Variants in ATRNL1 observed in about 807,000 individuals in gnomAD.
ATRNL1 encodes the protein attractin-like protein 1.
ATRNL1 carries 95 observed loss-of-function variants against 182.7 expected under a neutral mutation model. The observed-to-expected ratio is 0.52, with a 90% CI of 0.44 to 0.62. The LOEUF is 0.62. Among genes scored for constraint, ATRNL1 ranks in the 20% least tolerant of loss-of-function variants. ATRNL1 has a pLI of 0.00. For synonymous variants in ATRNL1, 576 were observed against 568.3 expected (o/e 1.01, Z -0.19); for missense variants, 1,471 against 1,679.5 (o/e 0.88, Z 2.17).
chr10:115,317,732 T>G (rs1854373901), intron 18 of ATRNL1, among the ~76,000 whole-genome samples: 2 of 152,190 alleles, frequency 1.3e-5, no homozygotes, highest in Non-Finnish European at 2.9e-5. Context: ...TGGTGATTTT[T>G]GCAAATTGAT....
At chr10:115,426,531 A>G (rs999895715) in intron 21 of ATRNL1, among the ~76,000 whole-genome samples, 10 of 152,292 alleles carry the variant, frequency 6.6e-5, no homozygotes, top group Non-Finnish European at 1.2e-4. Context: ...TGTTGTGAAC[A>G]TAGAACAAAG....
intron 26 of ATRNL1, among the ~76,000 whole-genome samples, chr10:115,621,270 TATATATAG>T (rs1359605540): frequency 9.0e-5 from 5 of 55,512 alleles, no homozygotes; most frequent in African/African-American, 3.2e-4. Context: ...TATATATATA[TATATATAG>T]AGAGAGAGAG....
At chr10:115,650,042 T>G (rs931041259) in intron 26 of ATRNL1, among the ~76,000 whole-genome samples, 2 of 152,162 alleles carry the variant, frequency 1.3e-5, no homozygotes, top group Non-Finnish European at 2.9e-5. Context: ...TTTTCTCATT[T>G]CTGTGCTTAT....
At chr10:115,667,184 A>G (rs1861047527) in intron 26 of ATRNL1, among the ~76,000 whole-genome samples, 1 of 152,054 alleles carries the variant, frequency 6.6e-6, no homozygotes, top group South Asian at 2.1e-4. Context: ...GTCTTCCAGT[A>G]GGTTTGGTAT....
chr10:115,137,385 A>G (rs1554876959), intron 5 of ATRNL1, among the ~76,000 whole-genome samples: 2 of 152,194 alleles, frequency 1.3e-5, no homozygotes, highest in Non-Finnish European at 2.9e-5. Flanking sequence ...TACATACCAA[A>G]TTTCTCATGC....
chr10:115,320,428 A>C (rs1554931051), intron 18 of ATRNL1, among the ~76,000 whole-genome samples: 1 of 152,086 alleles, frequency 6.6e-6, no homozygotes, highest in Non-Finnish European at 1.5e-5. Context: ...CCTGAATTTG[A>C]ATATTGGCCT....
chr10:115,189,174 G>A (rs1410953602), intron 8 of ATRNL1, among the ~76,000 whole-genome samples: 1 of 152,014 alleles, frequency 6.6e-6, no homozygotes, highest in African/African-American at 2.4e-5. Context: ...TCATGTGTTT[G>A]TGGTGATGCT....
At chr10:115,536,018 A>G (rs370082822) in intron 25 of ATRNL1, among the ~76,000 whole-genome samples, 12 of 147,200 alleles carry the variant, frequency 8.2e-5, no homozygotes, top group African/African-American at 3.1e-4. Context: ...GTCTGCCCCT[A>G]CTGGGGGGAG....
At chr10:115,492,738 G>A (rs1554976972) in intron 24 of ATRNL1, among the ~76,000 whole-genome samples, 1 of 148,196 alleles carries the variant, frequency 6.7e-6, no homozygotes, top group Non-Finnish European at 1.5e-5. Context: ...CCGCCTCCCG[G>A]GTTCACACCA....
Position 115,286,199 on chromosome 10 carries a change from A to ATT in ATRNL1, c.2234-10_2234-9dup. 1.5e-6 allele frequency: 2 copies of ATT among 1,373,254 alleles called. No individual in the cohort carries two copies. The highest frequency in any genetic ancestry group is 1.3e-5 in the South Asian group (1 of 77,502). 85.1% of individuals were successfully genotyped at this position (1,373,254 alleles called of 1,614,324 possible). A position where few individuals can be genotyped will look rare whatever the true frequency, so the allele number is the denominator to read the frequency against. The stretch of plus-strand genomic sequence containing the variant: ...TTTTGGTAATCTAACAATAAGACAC[A>ATT]TTTTTTTTCTTACTAGCTCATCTTT... On this transcript the variant is annotated splice_polypyrimidine_tract_variant and intron_variant, in intron 14 of 28. Coordinates refer to ENST00000355044, the MANE Select transcript of ATRNL1 (RefSeq NM_207303.4).
At chr10:115,422,690 A>G (rs1327869809) in intron 20 of ATRNL1, among the ~76,000 whole-genome samples, 1 of 152,210 alleles carries the variant, frequency 6.6e-6, no homozygotes, top group African/African-American at 2.4e-5. Flanking sequence ...GCAGCTATAA[A>G]AAAAGAACAA....
intron 26 of ATRNL1, among the ~76,000 whole-genome samples, chr10:115,665,477 G>A (rs1860946715): frequency 6.6e-6 from 1 of 152,002 alleles, no homozygotes; most frequent in African/African-American, 2.4e-5. Context: ...ACCAATATTT[G>A]GAGAAAATAT....
At chr10:115,834,311 T>C (rs1950621420) in intron 27 of ATRNL1, among the ~76,000 whole-genome samples, 1 of 152,226 alleles carries the variant, frequency 6.6e-6, no homozygotes, top group Non-Finnish European at 1.5e-5. Context: ...TAAAGCTTCC[T>C]GTCCTTTGAG....
intron 28 of ATRNL1, among the ~76,000 whole-genome samples, chr10:115,881,790 G>T (rs1232693885): frequency 2.0e-5 from 3 of 152,108 alleles, no homozygotes; most frequent in Non-Finnish European, 4.4e-5. Flanking sequence ...GCCTACCCAG[G>T]TCTGTCTGCT....
intron 8 of ATRNL1, among the ~76,000 whole-genome samples, chr10:115,185,683 T>G (rs1217555885): frequency 6.6e-6 from 1 of 151,842 alleles, no homozygotes; most frequent in Non-Finnish European, 1.5e-5. Flanking sequence ...GTTAAATCTG[T>G]GGGGGTGGGT....
chr10:115,181,054 T>C (rs1847729974), intron 8 of ATRNL1, among the ~76,000 whole-genome samples: 2 of 151,836 alleles, frequency 1.3e-5, no homozygotes, highest in South Asian at 4.1e-4. Context: ...TGGGCTGTAA[T>C]TTTCCAATCC....
chr10:115,584,192 G>T (rs1190210952), intron 26 of ATRNL1, among the ~76,000 whole-genome samples: 29 of 148,672 alleles, frequency 2.0e-4, no homozygotes, highest in African/African-American at 6.8e-4. Flanking sequence ...TGTTCATCAA[G>T]GATATTGGTC....
chr10:115,522,903 A>C (rs1455638620), intron 25 of ATRNL1, among the ~76,000 whole-genome samples: 2 of 152,276 alleles, frequency 1.3e-5, no homozygotes, highest in Non-Finnish European at 2.9e-5. Flanking sequence ...CTCCAAAATT[A>C]TCTCCCTTGG....
intron 19 of ATRNL1, among the ~76,000 whole-genome samples, chr10:115,379,125 T>G (rs1036934653): frequency 6.6e-6 from 1 of 152,186 alleles, no homozygotes; most frequent in Non-Finnish European, 1.5e-5. Flanking sequence ...TACTGCAACT[T>G]TATATTCTAG....
Sources: gnomAD v4.1 joint callset for allele counts (sites outside exome capture counted in the v4.1 genomes callset) on GRCh38, gnomAD v4.1.1 for gene constraint, MANE v1.5 for transcripts, NCBI Gene and HGNC (gene_info 2026-07-23, HGNC 2026-07-21) for gene names.